The following RALA variants were observed in gnomAD, a reference collection of about 807,000 sequenced individuals.
The protein encoded by RALA is ras-related protein Ral-A.
A neutral mutation model predicts 24.0 loss-of-function variants in RALA; 5 were observed. The ratio of observed to expected loss-of-function variants is 0.21; its 90% confidence interval spans 0.11 to 0.44. The LOEUF is 0.44. RALA is among the 20% of genes least tolerant of loss of function. The pLI is 0.99. For synonymous variants in RALA, 77 were observed against 83.8 expected, an observed-to-expected ratio of 0.92 and a Z score of 0.44; for missense variants, 95 against 241.2, an observed-to-expected ratio of 0.39 and a Z score of 4.01.
At chr7:39,691,078 C>T (rs564701761) in intron 3 of RALA, among the ~76,000 whole-genome samples, 8 of 152,116 alleles carry the variant, frequency 5.3e-5, no homozygotes. Context: ...TACATGGGAA[C>T]CTTCAGAATG....
Position 39,668,589 on chromosome 7 carries a change from G to A in RALA, c.-37-18042G>A, listed in dbSNP as rs146849296. Among the ~76,000 whole-genome samples, 580 of 152,054 alleles carry A rather than the reference G, an allele frequency of 3.8e-3. 4 individuals carry two copies. The highest frequency in any genetic ancestry group is 0.014 in the African/African-American group (561 of 41,476). On this transcript the variant is annotated intron_variant, in intron 1 of 4. Transcript: ENST00000005257. ...TGAGGTGGGTGGATCACCTGAGATC[G>A]GGAGTTGAGACCAGCTTGACCAACG...
chr7:39,689,825 G>C (rs73387375), intron 2 of RALA, among the ~76,000 whole-genome samples: 4,378 of 152,290 alleles, frequency 0.029, 222 homozygotes, highest in African/African-American at 0.099. Context: ...TTATGGGGCT[G>C]ACGATAGGAG....
intron 1 of RALA, among the ~76,000 whole-genome samples, chr7:39,627,734 A>G (rs1010594027): frequency 1.3e-5 from 2 of 152,216 alleles, no homozygotes; most frequent in African/African-American, 4.8e-5. Flanking sequence ...CACTGAGTTC[A>G]GCTGCCCTGT....
intron 1 of RALA, among the ~76,000 whole-genome samples, chr7:39,638,415 T>C (rs769875296): frequency 1.4e-4 from 21 of 152,220 alleles, no homozygotes; most frequent in Admixed American, 2.6e-4. Flanking sequence ...GTCTTTCTGG[T>C]TCATTAATGT....
chr7:39,684,788 A>AGGGCCGCATGTGGCCCAC (rs1792669702), intron 1 of RALA, among the ~76,000 whole-genome samples: 1 of 152,068 alleles, frequency 6.6e-6, no homozygotes, highest in Non-Finnish European at 1.5e-5. Flanking sequence ...GGGCATTCAA[A>AGGGCCGCATGTGGCCCAC]GGGCCGCATG....
At chr7:39,697,511 G>A in intron 4 of RALA, 1 of 454,728 alleles carries the variant, frequency 2.2e-6, no homozygotes, top group Non-Finnish European at 4.4e-6. Flanking sequence ...CTGGGCTGAG[G>A]TAGCACAGAA....
intron 1 of RALA, among the ~76,000 whole-genome samples, chr7:39,674,225 T>C (rs1287383822): frequency 2.0e-5 from 3 of 152,120 alleles, no homozygotes; most frequent in Non-Finnish European, 4.4e-5. Context: ...GATTACAGAT[T>C]AGAGCCGCTG....
At chr7:39,650,982 G>C (rs1704249337) in intron 1 of RALA, among the ~76,000 whole-genome samples, 1 of 152,186 alleles carries the variant, frequency 6.6e-6, no homozygotes. Flanking sequence ...AGAGTGCCCA[G>C]GACAGAAGCC....
In RALA at chr7:39,657,492, T is replaced by C. The variant is rs1436232055; in HGVS notation, c.-37-29139T>C. On this transcript the variant is annotated intron_variant, in intron 1 of 4. Coordinates refer to ENST00000005257, the MANE Select transcript of RALA (RefSeq NM_005402.4). ...AATTGTAAAATGGAAAGAAATAGACTAGTATACTGAAGGATATTGTATTGG... is the reference window on the plus strand; with the variant it reads ...AATTGTAAAATGGAAAGAAATAGACCAGTATACTGAAGGATATTGTATTGG... 2.0e-5 allele frequency among the ~76,000 whole-genome samples: 3 copies of C among 152,230 alleles called. No homozygotes were observed. The South Asian group carries it at 6.2e-4, about 31-fold the overall frequency.
intron 1 of RALA, among the ~76,000 whole-genome samples, chr7:39,637,316 C>T (rs866715057): frequency 1.3e-5 from 2 of 152,134 alleles, no homozygotes; most frequent in South Asian, 2.1e-4. Context: ...CTTTTGTATA[C>T]ATTATCCTTG....
intron 1 of RALA, among the ~76,000 whole-genome samples, chr7:39,686,200 C>T (rs112181636): frequency 0.021 from 2,725 of 130,182 alleles, 57 homozygotes; most frequent in Admixed American, 0.068. Context: ...AGCGAGACTC[C>T]GTCTCAAAAA....
At chr7:39,648,127 A>C (rs1382447394) in intron 1 of RALA, among the ~76,000 whole-genome samples, 1 of 152,176 alleles carries the variant, frequency 6.6e-6, no homozygotes, top group Non-Finnish European at 1.5e-5. Context: ...CTAAAGTCAT[A>C]TACAAAATTT....
chr7:39,690,714 C>T (rs937719254), intron 3 of RALA, 124 bp downstream of exon 3: 2 of 743,964 alleles, frequency 2.7e-6, no homozygotes, highest in African/African-American at 1.8e-5. Flanking sequence ...TGTGTTTATT[C>T]CCTTTTTGAT....
At chr7:39,629,394 A>G (rs1355557027) in intron 1 of RALA, among the ~76,000 whole-genome samples, 1 of 152,002 alleles carries the variant, frequency 6.6e-6, no homozygotes, top group Admixed American at 6.6e-5. Flanking sequence ...TATTGTTCAT[A>G]TTATTTGCTC....
chr7:39,668,654 T>C (rs749543925), intron 1 of RALA, among the ~76,000 whole-genome samples: 6 of 151,756 alleles, frequency 4.0e-5, no homozygotes, highest in Non-Finnish European at 7.4e-5. Flanking sequence ...AAAAATCAGC[T>C]GGGCATGGTG....
At chr7:39,687,530 T>C (rs748818135) in intron 2 of RALA, among the ~76,000 whole-genome samples, 1 of 152,204 alleles carries the variant, frequency 6.6e-6, no homozygotes, top group Non-Finnish European at 1.5e-5. Flanking sequence ...TCACTAAAAT[T>C]TATAATTACC....
At chr7:39,662,538 C>G (rs1166253496) in intron 1 of RALA, among the ~76,000 whole-genome samples, 1 of 152,168 alleles carries the variant, frequency 6.6e-6, no homozygotes, top group African/African-American at 2.4e-5. Context: ...TTCCACAGAT[C>G]TCTAGTTCAG....
intron 1 of RALA, among the ~76,000 whole-genome samples, chr7:39,684,830 G>T (rs1047649141): frequency 6.6e-6 from 1 of 152,126 alleles, no homozygotes; most frequent in African/African-American, 2.4e-5. Flanking sequence ...GACAAGCTTG[G>T]CTTAAAGCAT....
intron 1 of RALA, among the ~76,000 whole-genome samples, chr7:39,685,063 C>T (rs1319995329): frequency 1.3e-5 from 2 of 151,896 alleles, no homozygotes; most frequent in Non-Finnish European, 2.9e-5. Context: ...AAGTAATGGC[C>T]AAAACCGCAA....
Sources: allele counts gnomAD v4.1 joint callset (sites outside exome capture counted in the v4.1 genomes callset), GRCh38; gene constraint gnomAD v4.1.1; transcripts MANE v1.5; gene names NCBI Gene and HGNC (gene_info 2026-07-23, HGNC 2026-07-21).